Variants in MAPK10 observed in about 807,000 individuals in gnomAD.
MAPK10 encodes the protein mitogen-activated protein kinase 10, also known as JNK3 alpha protein kinase.
Under a neutral mutation model 59.3 loss-of-function variants are expected in MAPK10, and 25 were observed. That is an observed-to-expected ratio of 0.42 (90% CI 0.31 to 0.59). MAPK10 has a LOEUF of 0.59. MAPK10 is among the 20% of genes least tolerant of loss of function. The pLI is 0.15. For missense variants in MAPK10, 351 were observed against 568.9 expected, an observed-to-expected ratio of 0.62 and a Z score of 3.90; for synonymous variants, 190 against 200.5, an observed-to-expected ratio of 0.95 and a Z score of 0.44.
intron 2 of MAPK10, among the ~76,000 whole-genome samples, chr4:86,290,934 A>G (rs2095205303): frequency 6.6e-6 from 1 of 152,218 alleles, no homozygotes; most frequent in African/African-American, 2.4e-5. Context: ...CATTATGTAA[A>G]CCATTGTTTT....
At chr4:86,490,840 C>G (rs1754402425) in intron 1 of MAPK10, among the ~76,000 whole-genome samples, 1 of 152,206 alleles carries the variant, frequency 6.6e-6, no homozygotes, top group African/African-American at 2.4e-5. Flanking sequence ...ATTCCCGTGT[C>G]TATCTACCAG....
rs558866637 is a variant in MAPK10, at chr4:86,418,567, C to T, written c.-122+34463G>A. Among the ~76,000 whole-genome samples the T allele has an allele frequency of 8.5e-4, 129 of 152,298 alleles. 1 individual carries two copies. The highest frequency in any genetic ancestry group is 2.9e-3 in the African/African-American group (122 of 41,582). On this transcript the variant is annotated intron_variant, in intron 1 of 13. Transcript: ENST00000361569. ...ATGTTACTATAAAATGTTCCTCCTC[C>T]TTTTGTTTTTAACAGTCTTCCCTAA...
At chr4:86,208,722 GTTGGAAGT>G (rs2084912875) in intron 2 of MAPK10, among the ~76,000 whole-genome samples, 1 of 151,902 alleles carries the variant, frequency 6.6e-6, no homozygotes, top group South Asian at 2.1e-4. Context: ...TCAACATAGT[GTTGGAAGT>G]TCTGGCCAGG....
chr4:86,484,793 T>C (rs571977414), intron 1 of MAPK10, among the ~76,000 whole-genome samples: 2 of 152,262 alleles, frequency 1.3e-5, no homozygotes, highest in Non-Finnish European at 2.9e-5. Flanking sequence ...CAGAAAGACA[T>C]ATAACTAAGT....
intron 9 of MAPK10, chr4:86,091,106 C>G (rs921414451): frequency 1.3e-5 from 2 of 151,888 alleles, no homozygotes; most frequent in East Asian, 3.9e-4. Context: ...AAAGTTATGT[C>G]TGATAAAGAT....
chr4:86,490,399 C>T (rs770434556), intron 1 of MAPK10, among the ~76,000 whole-genome samples: 1 of 152,182 alleles, frequency 6.6e-6, no homozygotes, highest in South Asian at 2.1e-4. Flanking sequence ...TGACTCTGTA[C>T]TATGTGGTAA....
At chr4:86,267,234 A>C (rs1387546885) in intron 2 of MAPK10, among the ~76,000 whole-genome samples, 1 of 152,248 alleles carries the variant, frequency 6.6e-6, no homozygotes, top group Non-Finnish European at 1.5e-5. Flanking sequence ...TTATGGAAAA[A>C]TAAAATTGCC....
At chr4:86,513,115 A>G (rs1756409492) in intron 1 of MAPK10, among the ~76,000 whole-genome samples, 1 of 151,976 alleles carries the variant, frequency 6.6e-6, no homozygotes, top group Non-Finnish European at 1.5e-5. Context: ...TGATGCAATC[A>G]TAGCTCCCTT....
intron 2 of MAPK10, among the ~76,000 whole-genome samples, chr4:86,329,585 A>G (rs908298042): frequency 1.3e-5 from 2 of 152,150 alleles, no homozygotes; most frequent in African/African-American, 4.8e-5. Context: ...AGCAGCAACG[A>G]GAGATCCCAG....
intron 1 of MAPK10, among the ~76,000 whole-genome samples, chr4:86,410,430 G>C (rs542894929): frequency 1.3e-5 from 2 of 152,200 alleles, no homozygotes; most frequent in African/African-American, 4.8e-5. Context: ...ATGAATTAGG[G>C]AGGATTCCCT....
At chr4:86,143,078 C>A (rs1385643522) in intron 4 of MAPK10, among the ~76,000 whole-genome samples, 1 of 152,134 alleles carries the variant, frequency 6.6e-6, no homozygotes, top group African/African-American at 2.4e-5. Flanking sequence ...AACTTACAAT[C>A]ATGGCAGAAG....
intron 1 of MAPK10, among the ~76,000 whole-genome samples, chr4:86,359,367 T>C (rs558504787): frequency 1.3e-4 from 20 of 149,462 alleles, no homozygotes; most frequent in Non-Finnish European, 2.2e-4. Flanking sequence ...TAGCCCTGCA[T>C]TGGTCTAAAA....
chr4:86,533,457 T>A (rs1168508347), intron 1 of MAPK10, among the ~76,000 whole-genome samples: 1 of 152,160 alleles, frequency 6.6e-6, no homozygotes, highest in African/African-American at 2.4e-5. Flanking sequence ...TTAAATGAAT[T>A]GTTCAAAAAA....
intron 2 of MAPK10, among the ~76,000 whole-genome samples, chr4:86,320,122 T>A (rs997187286): frequency 3.3e-5 from 5 of 152,250 alleles, no homozygotes; most frequent in Non-Finnish European, 7.3e-5. Context: ...ACTAAGTGGC[T>A]GTATGACCTT....
At chr4:86,401,162 CA>C in intron 1 of MAPK10, among the ~76,000 whole-genome samples, 1 of 151,998 alleles carries the variant, frequency 6.6e-6, no homozygotes, top group Non-Finnish European at 1.5e-5. Context: ...AATTTTGAGT[CA>C]AAACACAATT....
At chr4:86,465,135 C>T (rs1579310337) in intron 1 of MAPK10, among the ~76,000 whole-genome samples, 1 of 152,338 alleles carries the variant, frequency 6.6e-6, no homozygotes, top group East Asian at 1.9e-4. Flanking sequence ...GGATGTCACA[C>T]ATGTTCCCTT....
At chr4:86,073,801 G>A (rs1181048021) in intron 9 of MAPK10, among the ~76,000 whole-genome samples, 3 of 106,602 alleles carry the variant, frequency 2.8e-5, no homozygotes, top group Non-Finnish European at 5.9e-5. Flanking sequence ...GCTGAGGAGA[G>A]CTTTACTTCC....
intron 2 of MAPK10, among the ~76,000 whole-genome samples, chr4:86,329,662 C>T (rs987243148): frequency 6.6e-6 from 1 of 152,186 alleles, no homozygotes; most frequent in African/African-American, 2.4e-5. Flanking sequence ...ACTGTGCCAT[C>T]TGCCATATGC....
chr4:86,291,138 T>G (rs951322845), intron 2 of MAPK10, among the ~76,000 whole-genome samples: 2 of 152,240 alleles, frequency 1.3e-5, no homozygotes, highest in Non-Finnish European at 2.9e-5. Context: ...AGACTTCACC[T>G]GTGCATGATA....
Sources: gnomAD v4.1 joint callset for allele counts (sites outside exome capture counted in the v4.1 genomes callset) on GRCh38, gnomAD v4.1.1 for gene constraint, MANE v1.5 for transcripts, NCBI Gene and HGNC (gene_info 2026-07-23, HGNC 2026-07-21) for gene names.